CCDC146: variants seen among roughly 807,000 people sequenced by gnomAD.
The protein encoded by CCDC146 is coiled-coil domain-containing protein 146.
Under a neutral mutation model 119.3 loss-of-function variants are expected in CCDC146, and 92 were observed. That is an observed-to-expected ratio of 0.77 (90% CI 0.65 to 0.92). The LOEUF is 0.92. CCDC146 is among the 40% of genes least tolerant of loss of function. CCDC146 has a pLI of 0.00. For synonymous variants in CCDC146, 372 were observed against 371.8 expected (o/e 1.00, Z -0.01); for missense variants, 1,000 against 1,103.0 (o/e 0.91, Z 1.32).
chr7:77,225,453 T>C (rs1792490729), intron 2 of CCDC146, among the ~76,000 whole-genome samples: 2 of 151,932 alleles, frequency 1.3e-5, no homozygotes, highest in African/African-American at 4.8e-5. Flanking sequence ...CTTGGGAGGC[T>C]GAGGCAGGAG....
intron 11 of CCDC146, 125 bp from the exon 12 acceptor site, chr7:77,278,627 T>A: frequency 1.5e-6 from 1 of 657,892 alleles, no homozygotes; most frequent in Non-Finnish European, 2.6e-6. Context: ...TTTATTTTTG[T>A]AGAGATGAGG....
intron 2 of CCDC146, among the ~76,000 whole-genome samples, chr7:77,192,554 A>G (rs1253862131): frequency 2.0e-5 from 3 of 152,254 alleles, no homozygotes; most frequent in Admixed American, 6.5e-5. Context: ...CAAGGCGTTT[A>G]GTATGGCAGA....
rs764382918 is a variant in CCDC146, at chr7:77,196,407, A to G, written c.156+28583A>G. On this transcript the variant is annotated intron_variant, in intron 2 of 18. Transcript: ENST00000285871. This position sits in a 1 kb window ranked among gnomAD's most constrained non-coding sequence, Gnocchi z 4.2. ...AAAATCCCATTACGGACACCTCTGT[A>G]TTTTTGGTGATAATATTTGCCATTT... The G allele has an allele frequency of 6.2e-7, 1 of 1,614,152 alleles. No homozygotes were observed. The highest frequency in any genetic ancestry group is 1.1e-5 in the South Asian group (1 of 91,086).
intron 1 of CCDC146, among the ~76,000 whole-genome samples, chr7:77,132,229 G>A (rs906416056): frequency 7.2e-5 from 11 of 151,768 alleles, no homozygotes; most frequent in African/African-American, 2.4e-4. Context: ...ACTTTATGAG[G>A]ACAGTATTGT....
At chr7:77,147,873 A>C (rs1317958819) in intron 1 of CCDC146, among the ~76,000 whole-genome samples, 1 of 152,232 alleles carries the variant, frequency 6.6e-6, no homozygotes, top group East Asian at 1.9e-4. Context: ...CCACTTGACG[A>C]GGCAGTCTGT....
intron 9 of CCDC146, 87 bp from the exon 10 acceptor site, chr7:77,273,607 G>C: frequency 1.1e-6 from 1 of 890,386 alleles, no homozygotes; most frequent in Non-Finnish European, 1.8e-6. Flanking sequence ...TGCAACTTCT[G>C]CCTCCCGGGT....
At chr7:77,286,776 G>A (rs1476254550) in intron 15 of CCDC146, 22 bp from the exon 16 acceptor site, 2 of 1,610,660 alleles carry the variant, frequency 1.2e-6, no homozygotes, top group East Asian at 2.2e-5. Context: ...TCATTTTAAA[G>A]TTAATGTTTT....
At chr7:77,270,488 T>G (rs1793490877) in intron 9 of CCDC146, among the ~76,000 whole-genome samples, 1 of 152,224 alleles carries the variant, frequency 6.6e-6, no homozygotes, top group Admixed American at 6.5e-5. Flanking sequence ...ATATCTCAAG[T>G]AACTCCAGAC....
chr7:77,196,961 C>T lies in CCDC146; in HGVS notation c.156+29137C>T, dbSNP rs1292216246. ...TTTGCCTATTGCGTAGTAGTCAGAGCAATCTTTATATATTAGATGTTGAAC... is the reference window on the plus strand; with the variant it reads ...TTTGCCTATTGCGTAGTAGTCAGAGTAATCTTTATATATTAGATGTTGAAC... On this transcript the variant is annotated intron_variant, in intron 2 of 18. Transcript: ENST00000285871. This position sits in a 1 kb window ranked among gnomAD's most constrained non-coding sequence, Gnocchi z 4.2. 6.2e-7 allele frequency: 1 copy of T among 1,608,314 alleles called. No individual in the cohort carries two copies. Among genetic ancestry groups the T allele is most frequent in the South Asian group, 1.1e-5 (1 of 90,844 alleles).
intron 1 of CCDC146, among the ~76,000 whole-genome samples, chr7:77,124,309 ATAGT>A (rs1253561960): frequency 1.2e-4 from 19 of 152,134 alleles, no homozygotes; most frequent in South Asian, 2.1e-4. Context: ...TTGGTATAAA[ATAGT>A]TAAAGTTATA....
chr7:77,138,461 C>T (rs1240060236), intron 1 of CCDC146, among the ~76,000 whole-genome samples: 1 of 152,008 alleles, frequency 6.6e-6, no homozygotes, highest in Non-Finnish European at 1.5e-5. Context: ...ACCTAGATGA[C>T]CTTGGGTTTG....
intron 9 of CCDC146, among the ~76,000 whole-genome samples, chr7:77,271,593 A>G (rs1256735781): frequency 7.2e-6 from 1 of 138,056 alleles, no homozygotes; most frequent in Non-Finnish European, 1.5e-5. Context: ...ACCCTGACTA[A>G]TAGAGTTGCT....
intron 2 of CCDC146, among the ~76,000 whole-genome samples, chr7:77,206,438 A>C (rs1425090774): frequency 6.6e-6 from 1 of 152,038 alleles, no homozygotes; most frequent in Non-Finnish European, 1.5e-5. Context: ...AATGTGGTGA[A>C]ATCCCATCTC....
intron 2 of CCDC146, among the ~76,000 whole-genome samples, chr7:77,177,568 A>C (rs1791519231): frequency 6.6e-6 from 1 of 152,192 alleles, no homozygotes; most frequent in Non-Finnish European, 1.5e-5. Context: ...TCACACATTT[A>C]AACACTGCTA....
At position 77,273,684 on chromosome 7, in the gene CCDC146, TGA is replaced by T. The variant is rs1793570851; in HGVS notation, c.1174-9_1174-8del. 1 of 1,594,090 alleles carries T rather than the reference TGA, an allele frequency of 6.3e-7. No homozygotes were observed. Among genetic ancestry groups the T allele is most frequent in the Admixed American group, 1.7e-5 (1 of 59,126 alleles). On this transcript the variant is annotated splice_region_variant and splice_polypyrimidine_tract_variant and intron_variant, in intron 9 of 18. Coordinates refer to ENST00000285871, the MANE Select transcript of CCDC146 (RefSeq NM_020879.3). Reference sequence around the variant, plus strand: ...TACATAAATGCATGTTTTTAAATTTTGATTTCCAGATGGAAGCTATCCCCAAA... The same window carrying T: ...TACATAAATGCATGTTTTTAAATTTTTTTCCAGATGGAAGCTATCCCCAAA...
chr7:77,199,939 G>T, intron 2 of CCDC146: 1 of 903,732 alleles, frequency 1.1e-6, no homozygotes. Flanking sequence ...AGGAAGAGGA[G>T]ATAGCCCTCA....
chr7:77,148,065 G>A (rs879935392), intron 1 of CCDC146, among the ~76,000 whole-genome samples: 3 of 152,166 alleles, frequency 2.0e-5, no homozygotes, highest in Non-Finnish European at 4.4e-5. Flanking sequence ...TACCCAGTTC[G>A]AGCTTCCAGG....
At chr7:77,124,689 A>T (rs66561016) in intron 1 of CCDC146, among the ~76,000 whole-genome samples, 7,442 of 151,740 alleles carry the variant, frequency 0.049, 586 homozygotes, top group African/African-American at 0.17. Flanking sequence ...ATCTTAGTTT[A>T]AAAAAGCTAT....
chr7:77,168,219 T>G (rs137924377), intron 2 of CCDC146, among the ~76,000 whole-genome samples: 2,096 of 152,194 alleles, frequency 0.014, 39 homozygotes, highest in African/African-American at 0.048. Flanking sequence ...CTATAGTTAC[T>G]GCAGTGGAGC....
Sources: allele counts gnomAD v4.1 joint callset (sites outside exome capture counted in the v4.1 genomes callset), GRCh38; gene constraint gnomAD v4.1.1; non-coding constraint Gnocchi (gnomAD v3.1); transcripts MANE v1.5; gene names NCBI Gene and HGNC (gene_info 2026-07-23, HGNC 2026-07-21).